THRAP3: variants seen among roughly 807,000 people sequenced by gnomAD.
The protein encoded by THRAP3 is thyroid hormone receptor associated protein 3.
Under a neutral mutation model 101.0 loss-of-function variants are expected in THRAP3, and 16 were observed. The ratio of observed to expected loss-of-function variants is 0.16; its 90% CI spans 0.11 to 0.24. The LOEUF (loss-of-function observed/expected upper bound fraction) is 0.24. Among genes scored for constraint, THRAP3 ranks in the 10% least tolerant of loss-of-function variants. The probability of loss-of-function intolerance (pLI) is 1.00; values close to 1 mark genes in which losing one functional copy is unlikely to be tolerated. For missense variants in THRAP3, 989 were observed against 1,202.7 expected, an observed-to-expected ratio of 0.82 and a Z score of 2.63; for synonymous variants, 407 against 422.6, an observed-to-expected ratio of 0.96 and a Z score of 0.45.
chr1:36,270,983 TGGG>T (rs1009635061), intron 2 of THRAP3, among the ~76,000 whole-genome samples: 7 of 152,102 alleles, frequency 4.6e-5, no homozygotes, highest in Non-Finnish European at 8.8e-5. Context: ...TTTAGAATAA[TGGG>T]GGAGAAATCT....
intron 5 of THRAP3, 107 bp downstream of exon 5, chr1:36,289,871 T>C: frequency 2.1e-6 from 3 of 1,418,878 alleles, no homozygotes; most frequent in Non-Finnish European, 1.9e-6. Context: ...TGTCTTAAGC[T>C]TCAGTGGTGA....
Position 36,301,624 on chromosome 1 carries a change from C to T in THRAP3, c.2574C>T (p.Asn858=), listed in dbSNP as rs199784046. ...GGAACAATAACAACAACAGCAACAA[C>T]GATTTTCAAAAAAGAAACCGGGAAG... is the stretch of plus-strand genomic sequence containing the variant. ...YSGNNNNNSN[N]DFQKRNREEE... is the part of the protein sequence containing the mutation. Residue 858 remains asparagine, a synonymous_variant, in exon 11 of 12, where the codon AAC becomes AAT. Transcript: ENST00000354618. 1.2e-5 allele frequency: 19 copies of T among 1,614,068 alleles called. No homozygotes were observed. The highest frequency in any genetic ancestry group is 1.7e-4 in the Middle Eastern group (1 of 6,060).
In THRAP3 at chr1:36,289,632, C is replaced by T. The variant is rs1570334093; in HGVS notation, c.1613C>T (p.Pro538Leu). ...AVQEKSSSPP[P>L]RKTSESRDKL... is the part of the protein sequence containing the mutation. ...CAGGAGAAAAGCTCATCACCTCCCC[C>T]AAGAAAGACCTCTGAGAGCCGAGAC... The change falls in exon 5 of 12, where the codon CCA becomes CTA. Residue 538 changes from proline to leucine, a missense_variant. Coordinates refer to ENST00000354618, the MANE Select transcript of THRAP3 (RefSeq NM_005119.4). 2 of 1,614,014 alleles carry T rather than the reference C, an allele frequency of 1.2e-6. No homozygotes were observed. Among genetic ancestry groups the T allele is most frequent in the South Asian group, 1.1e-5 (1 of 91,080 alleles).
intron 4 of THRAP3, 61 bp from the exon 5 acceptor site, chr1:36,288,999 C>G (rs1645830433): frequency 7.0e-7 from 1 of 1,434,474 alleles, no homozygotes; most frequent in Non-Finnish European, 9.1e-7. Context: ...CGGTAAGGCA[C>G]TATTTTAGAG....
chr1:36,232,703 G>T (rs1341064836), intron 1 of THRAP3, among the ~76,000 whole-genome samples: 1 of 152,188 alleles, frequency 6.6e-6, no homozygotes, highest in Non-Finnish European at 1.5e-5. Context: ...TGCTCCCATT[G>T]TCAAGTCCTA....
intron 1 of THRAP3, among the ~76,000 whole-genome samples, chr1:36,227,238 C>T (rs572432186): frequency 1.3e-5 from 2 of 152,136 alleles, no homozygotes; most frequent in African/African-American, 4.8e-5. Context: ...GGATTGCCGT[C>T]TCTCTCTTTA....
At chr1:36,281,462 G>A (rs1402344466) in intron 2 of THRAP3, among the ~76,000 whole-genome samples, 1 of 152,134 alleles carries the variant, frequency 6.6e-6, no homozygotes, top group African/African-American at 2.4e-5. Flanking sequence ...ACCCAGTTAG[G>A]GTTACATGTC....
chr1:36,235,606 TATG>T (rs1260963214), intron 1 of THRAP3, among the ~76,000 whole-genome samples: 7 of 152,170 alleles, frequency 4.6e-5, no homozygotes, highest in African/African-American at 1.4e-4. Flanking sequence ...GACAAAAAAA[TATG>T]ATGATTATTG....
chr1:36,286,871 C>A lies in THRAP3; in HGVS notation c.641C>A (p.Thr214Lys), dbSNP rs1255263511. The A allele has an allele frequency of 9.3e-6, 15 of 1,614,102 alleles. No homozygotes were observed. The highest frequency in any genetic ancestry group is 1.3e-5 in the Non-Finnish European group (15 of 1,179,954). ...TTCTCTGGAGGCACCTCTCAAGATA[C>A]AAAAGCATCTGAGAGCTCGAAGCCA... ...QTFSGGTSQD[T>K]KASESSKPWP... Residue 214 changes from threonine to lysine, a missense_variant, in exon 4 of 12, where the codon ACA becomes AAA. Coordinates refer to ENST00000354618, the MANE Select transcript of THRAP3 (RefSeq NM_005119.4). The surrounding 1 kb of genome is among the most constrained non-coding windows in gnomAD (Gnocchi z 5.5).
At chr1:36,261,998 T>C (rs528199122) in intron 2 of THRAP3, among the ~76,000 whole-genome samples, 10 of 152,276 alleles carry the variant, frequency 6.6e-5, no homozygotes, top group South Asian at 2.1e-4. Context: ...TTTGAAGATA[T>C]AATCATCGTT....
At chr1:36,224,565 C>T (rs1268220350) in intron 1 of THRAP3, 60 bp downstream of exon 1, 1 of 152,646 alleles carries the variant, frequency 6.6e-6, no homozygotes, top group African/African-American at 2.4e-5. Context: ...GGTTTCGTCT[C>T]TTATCTTTTT....
upstream of THRAP3, among the ~76,000 whole-genome samples, chr1:36,224,192 C>T (rs1644930827): frequency 6.6e-6 from 1 of 152,268 alleles, no homozygotes; most frequent in Non-Finnish European, 1.5e-5. Flanking sequence ...CCGTCCACCG[C>T]CCTCCTCCAT....
chr1:36,255,989 A>G (rs916626487), intron 1 of THRAP3, among the ~76,000 whole-genome samples: 4 of 151,904 alleles, frequency 2.6e-5, no homozygotes, highest in Non-Finnish European at 2.9e-5. Context: ...GGTCTAAGGC[A>G]CTGTTGTCCT....
intron 1 of THRAP3, among the ~76,000 whole-genome samples, chr1:36,253,438 TTG>T (rs1460519741): frequency 6.6e-6 from 1 of 152,140 alleles, no homozygotes; most frequent in Non-Finnish European, 1.5e-5. Flanking sequence ...TGCTTCAGAT[TTG>T]TGTGGGTATG....
intron 1 of THRAP3, chr1:36,224,882 C>T (rs562206258): frequency 6.6e-6 from 1 of 152,558 alleles, no homozygotes; most frequent in African/African-American, 2.4e-5. Context: ...CTTCCCCCCA[C>T]CCAGTCCCCA....
At chr1:36,236,833 T>C (rs919050178) in intron 1 of THRAP3, among the ~76,000 whole-genome samples, 3 of 152,224 alleles carry the variant, frequency 2.0e-5, no homozygotes, top group African/African-American at 4.8e-5. Flanking sequence ...ACAATTTTAC[T>C]GAACCTCTTA....
chr1:36,224,550 C>G (rs1338998971), intron 1 of THRAP3, 45 bp downstream of exon 1: 1 of 152,566 alleles, frequency 6.6e-6, no homozygotes, highest in Non-Finnish European at 1.5e-5. Context: ...TTAACCGGCT[C>G]TAGTGGTTTC....
In THRAP3 at chr1:36,286,301, G is replaced by T; in HGVS notation, c.138-67G>T. 2 of 1,475,142 alleles carry T rather than the reference G, an allele frequency of 1.4e-6. No individual in the cohort carries two copies. Among genetic ancestry groups the T allele is most frequent in the Middle Eastern group, 1.8e-4 (1 of 5,538 alleles). The allele number at this position is 1,475,142 out of a possible 1,614,324, so 91.4% of individuals were successfully genotyped here. On this transcript the variant is annotated intron_variant, in intron 3 of 11. Transcript: ENST00000354618. This position sits in a 1 kb window ranked among gnomAD's most constrained non-coding sequence, Gnocchi z 5.5. Reference sequence around the variant, plus strand: ...ACATAAGGGCAGGGATTTCAGAACAGATTTTTCTTGAATAAAAATGCTTGT... The same window carrying T: ...ACATAAGGGCAGGGATTTCAGAACATATTTTTCTTGAATAAAAATGCTTGT...
At chr1:36,260,192 A>C (rs1645426862) in intron 2 of THRAP3, among the ~76,000 whole-genome samples, 2 of 151,876 alleles carry the variant, frequency 1.3e-5, no homozygotes, top group Admixed American at 6.6e-5. Flanking sequence ...CAGTGAGCCG[A>C]GATCTTGCCA....
Sources: gnomAD v4.1 joint callset for allele counts (sites outside exome capture counted in the v4.1 genomes callset) on GRCh38, gnomAD v4.1.1 for gene constraint, Gnocchi (gnomAD v3.1) non-coding constraint, MANE v1.5 for transcripts, NCBI Gene and HGNC (gene_info 2026-07-23, HGNC 2026-07-21) for gene names.